Variants in SEMA3D observed in about 807,000 individuals in gnomAD.
SEMA3D encodes the protein semaphorin 3D.
A neutral mutation model predicts 100.1 loss-of-function variants in SEMA3D; 84 were observed. That is an observed-to-expected ratio of 0.84 (90% confidence interval 0.70 to 1.01). The LOEUF (loss-of-function observed/expected upper bound fraction) is 1.01. Among genes scored for constraint, SEMA3D ranks in the 50% least tolerant of loss-of-function variants. SEMA3D has a pLI of 0.00. For missense variants in SEMA3D, 875 were observed against 934.1 expected (o/e 0.94, Z 0.82); for synonymous variants, 312 against 320.7 (o/e 0.97, Z 0.29).
the SEMA3D span, among the ~76,000 whole-genome samples, chr7:85,249,722 G>A: frequency 6.6e-6 from 1 of 152,102 alleles, no homozygotes; most frequent in Non-Finnish European, 1.5e-5. Context: ...TGAAAGAACT[G>A]GAAGACAAAA....
intron 12 of SEMA3D, chr7:85,029,539 G>T: frequency 1.7e-6 from 1 of 576,900 alleles, no homozygotes; most frequent in South Asian, 1.7e-5. Context: ...ATTTGAACAT[G>T]CACAGCAAGA....
intron 1 of SEMA3D, among the ~76,000 whole-genome samples, chr7:85,171,475 C>T (rs2116547739): frequency 6.6e-6 from 1 of 152,004 alleles, no homozygotes; most frequent in Non-Finnish European, 1.5e-5. Flanking sequence ...ACATGATAGT[C>T]CTAGGATTGT....
chr7:85,204,958 T>A, the SEMA3D span, among the ~76,000 whole-genome samples: 1 of 152,136 alleles, frequency 6.6e-6, no homozygotes, highest in Non-Finnish European at 1.5e-5. Flanking sequence ...CATATAAGTT[T>A]TCTTTTTGGT....
In SEMA3D at chr7:85,006,804, C is replaced by A; in HGVS notation, c.1906G>T (p.Glu636Ter). 1 of 1,588,604 alleles carries A rather than the reference C, an allele frequency of 6.3e-7. No homozygotes were observed. Among genetic ancestry groups the A allele is most frequent in the Non-Finnish European group, 8.6e-7 (1 of 1,165,534 alleles). The change falls in exon 18 of 19, where the codon GAG becomes TAG. Residue 636 changes from glutamate (E) to a stop codon, truncating the protein, a stop_gained and splice_region_variant. Coordinates refer to ENST00000284136, the MANE Select transcript of SEMA3D (RefSeq NM_001384900.1). LOFTEE classifies it high-confidence loss of function. ...IQRSGDEHRE[E>*]LKPDERIIKT... ...ATTCTTTGATGACAACAGCTTACCTCCTCTCGATGCTCATCCCCTGACCTC... is the reference window on the plus strand; with the variant it reads ...ATTCTTTGATGACAACAGCTTACCTACTCTCGATGCTCATCCCCTGACCTC...
chr7:85,207,174 A>T, the SEMA3D span, among the ~76,000 whole-genome samples: 5 of 152,090 alleles, frequency 3.3e-5, no homozygotes, highest in Admixed American at 2.0e-4. Flanking sequence ...GTATATTTAG[A>T]AAGTGGTTAA....
chr7:85,102,928 C>G (rs1024212801), intron 3 of SEMA3D, among the ~76,000 whole-genome samples: 2 of 152,028 alleles, frequency 1.3e-5, no homozygotes, highest in Non-Finnish European at 2.9e-5. Flanking sequence ...AGTGACTAAC[C>G]TGGGGTATTA....
chr7:85,189,606 A>G (rs1169052000), upstream of SEMA3D, among the ~76,000 whole-genome samples: 1 of 152,232 alleles, frequency 6.6e-6, no homozygotes, highest in Non-Finnish European at 1.5e-5. Flanking sequence ...GTATATCATC[A>G]GTTAAAACCA....
intron 12 of SEMA3D, among the ~76,000 whole-genome samples, chr7:85,031,242 C>G (rs1790539611): frequency 6.6e-6 from 1 of 151,912 alleles, no homozygotes; most frequent in African/African-American, 2.4e-5. Flanking sequence ...AGTCTCACCA[C>G]TGGGAGAACA....
the SEMA3D span, among the ~76,000 whole-genome samples, chr7:85,246,522 T>A: frequency 9.9e-5 from 15 of 152,108 alleles, no homozygotes; most frequent in African/African-American, 3.1e-4. Flanking sequence ...CACAGATATA[T>A]GTGAAACGCT....
chr7:85,026,632 T>G (rs1426501488), intron 12 of SEMA3D, among the ~76,000 whole-genome samples: 2 of 152,068 alleles, frequency 1.3e-5, no homozygotes, highest in Non-Finnish European at 2.9e-5. Context: ...ATTTTTGAAT[T>G]ACATTTTTTT....
the SEMA3D span, among the ~76,000 whole-genome samples, chr7:85,234,935 G>A: frequency 2.0e-5 from 3 of 152,134 alleles, no homozygotes; most frequent in East Asian, 1.9e-4. Flanking sequence ...GCTGGCTAGC[G>A]GCCCTCGGGC....
At chr7:85,218,125 T>C in the SEMA3D span, among the ~76,000 whole-genome samples, 1 of 152,110 alleles carries the variant, frequency 6.6e-6, no homozygotes, top group Non-Finnish European at 1.5e-5. Context: ...GGATATTCAA[T>C]TATTCTGCAC....
intron 1 of SEMA3D, among the ~76,000 whole-genome samples, chr7:85,154,867 A>C (rs1483767087): frequency 6.6e-6 from 1 of 152,190 alleles, no homozygotes; most frequent in African/African-American, 2.4e-5. Flanking sequence ...AAAAATATGC[A>C]TAAGTCTGAA....
intron 1 of SEMA3D, among the ~76,000 whole-genome samples, chr7:85,182,232 T>G (rs1437727903): frequency 6.6e-6 from 1 of 152,150 alleles, no homozygotes; most frequent in Non-Finnish European, 1.5e-5. Context: ...TCTTATATAC[T>G]CTATCTGATC....
chr7:85,217,126 T>C, the SEMA3D span, among the ~76,000 whole-genome samples: 1 of 152,104 alleles, frequency 6.6e-6, no homozygotes, highest in Non-Finnish European at 1.5e-5. Context: ...AGCATTATAG[T>C]TCTGTACACA....
chr7:85,142,775 A>G, intron 2 of SEMA3D: 2 of 984,120 alleles, frequency 2.0e-6, no homozygotes, highest in Non-Finnish European at 2.4e-6. Flanking sequence ...CAGACTAACC[A>G]CATGATGTGA....
At chr7:85,008,352 TG>T (rs1789858422) in intron 17 of SEMA3D, among the ~76,000 whole-genome samples, 1 of 151,838 alleles carries the variant, frequency 6.6e-6, no homozygotes, top group South Asian at 2.1e-4. Flanking sequence ...GCTCATTATC[TG>T]AACTCTTTTT....
At chr7:85,192,680 T>C in the SEMA3D span, among the ~76,000 whole-genome samples, 1 of 152,182 alleles carries the variant, frequency 6.6e-6, no homozygotes. Context: ...GATGCACTGA[T>C]GTACTTTCAT....
At chr7:85,248,805 G>A in the SEMA3D span, among the ~76,000 whole-genome samples, 2 of 152,074 alleles carry the variant, frequency 1.3e-5, no homozygotes, top group African/African-American at 2.4e-5. Flanking sequence ...AAAAAAGTCA[G>A]TGGTTCTCAG....
Sources: allele counts gnomAD v4.1 joint callset (sites outside exome capture counted in the v4.1 genomes callset), GRCh38; gene constraint gnomAD v4.1.1; transcripts MANE v1.5; gene names NCBI Gene and HGNC (gene_info 2026-07-23, HGNC 2026-07-21).